Variants in ACAD9 observed in about 807,000 individuals in gnomAD.
ACAD9 encodes complex I assembly factor ACAD9, mitochondrial.
Under a neutral mutation model 70.2 loss-of-function variants are expected in ACAD9, and 53 were observed. The ratio of observed to expected loss-of-function variants is 0.75; its 90% CI spans 0.61 to 0.95. ACAD9 has a LOEUF of 0.95. Ranked by LOEUF, ACAD9 falls within the 40% of genes least tolerant of loss-of-function variation. The probability of loss-of-function intolerance (pLI) is 0.00; values close to 1 mark genes in which losing one functional copy is unlikely to be tolerated. For synonymous variants in ACAD9, 313 were observed against 312.1 expected (o/e 1.00, Z -0.03); for missense variants, 777 against 802.8 (o/e 0.97, Z 0.39).
chr3:128,910,852 CT>C, intron 17 of ACAD9, 39 bp downstream of exon 17: 1 of 1,601,764 alleles, frequency 6.2e-7, no homozygotes, highest in Non-Finnish European at 8.6e-7. Context: ...GAAGGGCCCA[CT>C]TCTAGGCCCC....
At position 128,896,424 on chromosome 3, in the gene ACAD9, T is replaced by C. The variant is rs1202384853; in HGVS notation, c.454-12T>C. ...CCCACAGCTGACATTAGTCTGTGTC[T>C]GTTTTGTTTAGGGGATCATCTTGGC... On this transcript the variant is annotated splice_polypyrimidine_tract_variant and intron_variant, in intron 4 of 17. Transcript: ENST00000308982. 1.2e-6 allele frequency: 2 copies of C among 1,613,566 alleles called. No individual in the cohort carries two copies. Among genetic ancestry groups the C allele is most frequent in the Non-Finnish European group, 1.7e-6 (2 of 1,179,438 alleles).
intron 2 of ACAD9, 22 bp from the exon 3 acceptor site, chr3:128,893,533 A>T: frequency 6.4e-7 from 1 of 1,558,306 alleles, no homozygotes; most frequent in Non-Finnish European, 8.9e-7. Context: ...TATTTGTTTA[A>T]TCAAGATTTT....
chr3:128,904,510 C>T lies in ACAD9; in HGVS notation c.1149+5C>T. ...ATCGAGGCAGCCATGGTGAAGGTAA[C>T]CCTGGCATAGCCAGAGAGCTGGCGC... On this transcript the variant is annotated splice_donor_5th_base_variant and intron_variant, in intron 11 of 17. Coordinates refer to ENST00000308982, the MANE Select transcript of ACAD9 (RefSeq NM_014049.5). 6.2e-7 allele frequency: 1 copy of T among 1,613,586 alleles called. No homozygotes were observed. The highest frequency in any genetic ancestry group is 8.5e-7 in the Non-Finnish European group (1 of 1,179,972).
At position 128,912,578 on chromosome 3, in the gene ACAD9, T is replaced by G; in HGVS notation, c.1837T>G (p.Cys613Gly). ...QQILEKRAYI[C>G]AHPLDRTC ...GATCCTTGAGAAGCGAGCCTATATC[T>G]GTGCCCACCCTCTGGACAGGACATG... Residue 613 changes from cysteine to glycine, a missense_variant, in exon 18 of 18, where the codon TGT becomes GGT. By Grantham distance (159) the Cys-to-Gly change is radical. Transcript: ENST00000308982. The G allele has an allele frequency of 6.2e-7, 1 of 1,614,186 alleles. No individual in the cohort carries two copies. Among genetic ancestry groups the G allele is most frequent in the South Asian group, 1.1e-5 (1 of 91,080 alleles).
intron 4 of ACAD9, 26 bp from the exon 5 acceptor site, chr3:128,896,410 C>T: frequency 6.2e-7 from 1 of 1,604,070 alleles, no homozygotes; most frequent in South Asian, 1.1e-5. Flanking sequence ...CCACAGCTGA[C>T]ATTAGTCTGT....
chr3:128,897,211 CAG>C (rs566754239), intron 5 of ACAD9, among the ~76,000 whole-genome samples: 7 of 152,304 alleles, frequency 4.6e-5, no homozygotes, highest in Admixed American at 3.9e-4. Context: ...GTTTTTGAGA[CAG>C]GGTCTTGCTG....
chr3:128,910,768 G>T lies in ACAD9; in HGVS notation c.1720G>T (p.Glu574Ter), dbSNP rs1265036797. The change falls in exon 17 of 18, where the codon GAA (glutamate) becomes TAA (stop). Residue 574 changes from glutamate to a stop codon, truncating the protein, a stop_gained. Coordinates refer to ENST00000308982, the MANE Select transcript of ACAD9 (RefSeq NM_014049.5). LOFTEE classifies it high-confidence loss of function. ...EVLLANTFCV[E>*]AYLQNLFSLS... ...TCTCTTGGCCAACACCTTCTGCGTG[G>T]AAGCTTACTTGCAGAATCTCTTCAG... The T allele has an allele frequency of 1.9e-6, 3 of 1,614,078 alleles. No individual in the cohort carries two copies. Among genetic ancestry groups the T allele is most frequent in the Non-Finnish European group, 1.7e-6 (2 of 1,180,056 alleles).
At chr3:128,903,632 G>A (rs1204244196) in intron 9 of ACAD9, among the ~76,000 whole-genome samples, 1 of 152,192 alleles carries the variant, frequency 6.6e-6, no homozygotes, top group African/African-American at 2.4e-5. Context: ...CAAGCCAGGC[G>A]GCCCCACCTG....
In ACAD9 at chr3:128,901,359, C is replaced by T. The variant is rs2107655576; in HGVS notation, c.882+10C>T. The T allele has an allele frequency of 6.2e-7, 1 of 1,614,018 alleles. No individual in the cohort carries two copies. The highest frequency in any genetic ancestry group is 8.5e-7 in the Non-Finnish European group (1 of 1,179,906). The stretch of plus-strand genomic sequence containing the variant: ...CGGAGATGGGTTTAAGGTGAGTTGC[C>T]AGCCACAGCCCCTTGTACCAGGTAG... On this transcript the variant is annotated intron_variant, in intron 8 of 17. Coordinates refer to ENST00000308982, the MANE Select transcript of ACAD9 (RefSeq NM_014049.5).
Position 128,906,190 on chromosome 3 carries a change from A to C in ACAD9, c.1219A>C (p.Thr407Pro). 6.2e-7 allele frequency: 1 copy of C among 1,614,208 alleles called. No homozygotes were observed. The highest frequency in any genetic ancestry group is 8.5e-7 in the Non-Finnish European group (1 of 1,180,030). Reference sequence around the variant, plus strand: ...GCAGATCCTCGGGGGCTTGGGCTACACAAGGGACTATCCGTACGAGCGCAT... The same window carrying C: ...GCAGATCCTCGGGGGCTTGGGCTACCCAAGGGACTATCCGTACGAGCGCAT... Reference protein sequence around the residue: ...ALQILGGLGYTRDYPYERILR... With the variant: ...ALQILGGLGYPRDYPYERILR... Residue 407 changes from threonine (T) to proline (P), a missense_variant, in exon 12 of 18, where the codon ACA becomes CCA. Coordinates refer to ENST00000308982, the MANE Select transcript of ACAD9 (RefSeq NM_014049.5).
intron 11 of ACAD9, among the ~76,000 whole-genome samples, chr3:128,905,152 A>C (rs1363338303): frequency 1.3e-5 from 2 of 151,042 alleles, no homozygotes; most frequent in East Asian, 4.1e-4. Flanking sequence ...CCATCTCAAA[A>C]AAAAACAAAA....
At chr3:128,907,213 G>A (rs951193072) in intron 12 of ACAD9, among the ~76,000 whole-genome samples, 2 of 152,154 alleles carry the variant, frequency 1.3e-5, no homozygotes, top group African/African-American at 2.4e-5. Context: ...CTCCTGGGCC[G>A]TCCTGCCCAG....
In ACAD9 at chr3:128,892,918, G is replaced by A. The variant is rs540861059; in HGVS notation, c.245-637G>A. On this transcript the variant is annotated intron_variant, in intron 2 of 17. Transcript: ENST00000308982. ...CTATAAGGAGGAGGAAAAACATGAAGTTTAACATGCCTATAGAAAAATTTA... is the reference window on the plus strand; with the variant it reads ...CTATAAGGAGGAGGAAAAACATGAAATTTAACATGCCTATAGAAAAATTTA... Among the ~76,000 whole-genome samples, 24 of 152,254 alleles carry A rather than the reference G, an allele frequency of 1.6e-4. No individual in the cohort carries two copies. The South Asian group carries it at 4.8e-3, about 30-fold the overall frequency.
intron 7 of ACAD9, 23 bp downstream of exon 7, chr3:128,899,484 T>TGC: frequency 6.2e-7 from 1 of 1,610,856 alleles, no homozygotes; most frequent in Non-Finnish European, 8.5e-7. Flanking sequence ...TGTGCGCGCG[T>TGC]GCGCGTGTGT....
chr3:128,910,862 C>T, intron 17 of ACAD9, 49 bp downstream of exon 17: 2 of 1,594,234 alleles, frequency 1.3e-6, no homozygotes, highest in Admixed American at 1.7e-5. Context: ...CTTCTAGGCC[C>T]CTATTGATGG....
At chr3:128,896,317 T>A (rs1935569106) in intron 4 of ACAD9, 119 bp from the exon 5 acceptor site, 2 of 1,118,380 alleles carry the variant, frequency 1.8e-6, no homozygotes, top group Non-Finnish European at 2.7e-6. Context: ...TTGCTCTGAG[T>A]TCTTGCTGTC....
chr3:128,912,811 C>T lies in ACAD9; in HGVS notation c.*204C>T, dbSNP rs758867335. On this transcript the variant is annotated 3_prime_UTR_variant, in exon 18 of 18. Coordinates refer to ENST00000308982, the MANE Select transcript of ACAD9 (RefSeq NM_014049.5). ...GCAGTGCTCTCTAACAGGACCATCA[C>T]AGCTTCTGAACTGAGCCGGAGAGAG... is the stretch of plus-strand genomic sequence containing the variant. 3.0e-5 allele frequency: 22 copies of T among 722,192 alleles called. No homozygotes were observed. Among genetic ancestry groups the T allele is most frequent in the South Asian group, 8.2e-5 (6 of 73,382 alleles). The allele number at this position is 722,192 out of a possible 1,614,324, so 44.7% of individuals were successfully genotyped here. A position where few individuals can be genotyped will look rare whatever the true frequency, so the allele number is the denominator to read the frequency against.
At chr3:128,880,507 C>T (rs1935057862) in intron 1 of ACAD9, among the ~76,000 whole-genome samples, 2 of 151,788 alleles carry the variant, frequency 1.3e-5, no homozygotes, top group South Asian at 2.1e-4. Flanking sequence ...ATTCTCCTGC[C>T]TCAGCCTCCG....
At position 128,904,073 on chromosome 3, in the gene ACAD9, G is replaced by T. The variant is rs1935818464; in HGVS notation, c.970G>T (p.Glu324Ter). 1 of 1,614,086 alleles carries T rather than the reference G, an allele frequency of 6.2e-7. No individual in the cohort carries two copies. The highest frequency in any genetic ancestry group is 1.7e-5 in the Admixed American group (1 of 60,010). ...CTGCTCTTCCTCAGAAATGACTGCT[G>T]AGTACGCCTGCACAAGGAAACAGTT... ...LLKRLIEMTA[E>*]YACTRKQFNK... Residue 324 changes from glutamate (E) to a stop codon, truncating the protein, a stop_gained, in exon 10 of 18, where the codon GAG becomes TAG. Coordinates refer to ENST00000308982, the MANE Select transcript of ACAD9 (RefSeq NM_014049.5). LOFTEE classifies it high-confidence loss of function.
Sources: allele counts gnomAD v4.1 joint callset (sites outside exome capture counted in the v4.1 genomes callset), GRCh38; gene constraint gnomAD v4.1.1; transcripts MANE v1.5; gene names NCBI Gene and HGNC (gene_info 2026-07-23, HGNC 2026-07-21).